The following NRXN1 variants were observed in gnomAD, a reference collection of about 807,000 sequenced individuals.
NRXN1 encodes neurexin-1.
A neutral mutation model predicts 150.9 loss-of-function variants in NRXN1; 39 were observed. The ratio of observed to expected loss-of-function variants is 0.26; its 90% CI spans 0.20 to 0.34. The LOEUF (loss-of-function observed/expected upper bound fraction) is 0.34, where lower values mean the gene tolerates loss of function less well. NRXN1 is among the 10% of genes least tolerant of loss of function. The pLI, the probability that NRXN1 is intolerant of heterozygous loss-of-function variation, is 1.00. For synonymous variants in NRXN1, 924 were observed against 757.0 expected (o/e 1.22, Z -3.62); for missense variants, 1,815 against 1,949.9 (o/e 0.93, Z 1.30).
At position 50,346,655 on chromosome 2, in the gene NRXN1, G is replaced by A. The variant is rs764772038; in HGVS notation, c.3365-109685C>T. 2 of 1,608,204 alleles carry A rather than the reference G, an allele frequency of 1.2e-6. No homozygotes were observed. The highest frequency in any genetic ancestry group is 2.2e-5 in the South Asian group (2 of 90,990). On this transcript the variant is annotated intron_variant, in intron 17 of 22. Transcript: ENST00000401669. The surrounding 1 kb of genome is among the most constrained non-coding windows in gnomAD (Gnocchi z 5.0). ...TGCAGGGTAGAAAGAGGGGAGCGAG[G>A]GGATAACCCGCGAGAACTTGGCATC...
At position 50,417,853 on chromosome 2, in the gene NRXN1, G is replaced by C. The variant is rs113795391; in HGVS notation, c.3364+47589C>G. Among the ~76,000 whole-genome samples the C allele has an allele frequency of 1.1e-3, 173 of 152,066 alleles. 2 individuals are homozygous for C. The highest frequency in any genetic ancestry group is 3.8e-3 in the African/African-American group (159 of 41,510). On this transcript the variant is annotated intron_variant, in intron 17 of 22. Transcript: ENST00000401669. ...AAACCGAAAAGTGCAGGATCACAAA[G>C]AGAAGTATAAAATGTAAAGAAGGAA...
At chr2:50,474,578 T>C (rs12104987) in intron 15 of NRXN1, among the ~76,000 whole-genome samples, 29,300 of 149,152 alleles carry the variant, frequency 0.2, 3,849 homozygotes, top group East Asian at 0.41. Context: ...AATGGCTGCA[T>C]GGTGGACTTA....
intron 17 of NRXN1, among the ~76,000 whole-genome samples, chr2:50,291,928 A>T (rs2072973861): frequency 6.6e-6 from 1 of 152,178 alleles, no homozygotes; most frequent in East Asian, 1.9e-4. Flanking sequence ...TAGCCAGCTT[A>T]TTAAACCTTA....
intron 8 of NRXN1, chr2:50,619,788 A>T (rs1573819691): frequency 2.3e-6 from 1 of 436,418 alleles, no homozygotes; most frequent in East Asian, 3.4e-5. Flanking sequence ...CTGTCCACAC[A>T]AATCTCAAAT....
rs113492289 is a variant in NRXN1, at chr2:50,163,886, T to A, written c.3547-72392A>T. ...GATGGCAATGAGGAGACATCTATAC[T>A]TTATCTTATTGCAACTACCACTTTG... On this transcript the variant is annotated intron_variant, in intron 18 of 22. Coordinates refer to ENST00000401669, the MANE Select transcript of NRXN1 (RefSeq NM_001330078.2). Among the ~76,000 whole-genome samples, 22 of 152,274 alleles carry A rather than the reference T, an allele frequency of 1.4e-4. 1 individual carries two copies. The highest frequency in any genetic ancestry group is 5.3e-4 in the African/African-American group (22 of 41,570).
At chr2:50,504,032 A>C (rs771588212) in intron 13 of NRXN1, among the ~76,000 whole-genome samples, 9 of 152,072 alleles carry the variant, frequency 5.9e-5, no homozygotes, top group Non-Finnish European at 1.3e-4. Context: ...CTTTATATTA[A>C]TACAAAGCAG....
At chr2:50,687,046 T>C (rs1691338439) in intron 5 of NRXN1, among the ~76,000 whole-genome samples, 1 of 152,186 alleles carries the variant, frequency 6.6e-6, no homozygotes, top group African/African-American at 2.4e-5. Flanking sequence ...TAGCGTCAAA[T>C]TGAAAGAGAA....
At position 49,919,000 on chromosome 2, in the gene NRXN1, A is replaced by T. The variant is rs1213769774; in HGVS notation, c.*2944T>A. The T allele has an allele frequency of 6.6e-6, 1 of 152,174 alleles. No homozygotes were observed. The highest frequency in any genetic ancestry group is 1.5e-5 in the Non-Finnish European group (1 of 67,986). The allele number at this position is 152,174 out of a possible 1,614,324, so 9.4% of individuals were successfully genotyped here. A position where few individuals can be genotyped will look rare whatever the true frequency, so the allele number is the denominator to read the frequency against. ...GAAAACCCCTTTGATACCCAATCAC[A>T]CAAAGCACTAGAAGGGTAGGGTTAT... On this transcript the variant is annotated 3_prime_UTR_variant, in exon 23 of 23. Transcript: ENST00000401669.
chr2:50,960,538 C>A (rs1317817862), intron 2 of NRXN1, among the ~76,000 whole-genome samples: 1 of 151,986 alleles, frequency 6.6e-6, no homozygotes, highest in East Asian at 1.9e-4. Flanking sequence ...AGTTGGTGCA[C>A]AACAAGAGAG....
intron 19 of NRXN1, among the ~76,000 whole-genome samples, chr2:50,058,712 T>A (rs1056824780): frequency 7.9e-5 from 12 of 152,168 alleles, no homozygotes; most frequent in African/African-American, 2.9e-4. Context: ...CAGTGGGATG[T>A]AATTGAATTA....
chr2:50,263,768 A>T (rs1198813458), intron 17 of NRXN1, among the ~76,000 whole-genome samples: 1 of 152,108 alleles, frequency 6.6e-6, no homozygotes, highest in Non-Finnish European at 1.5e-5. Context: ...CTTCCATCTT[A>T]ACACCTAGTT....
chr2:50,167,928 C>T lies in NRXN1; in HGVS notation c.3546+68861G>A, dbSNP rs187510543. On this transcript the variant is annotated intron_variant, in intron 18 of 22. Transcript: ENST00000401669. ...TCAGTTTATTTCTCCACTAGAAGGA[C>T]TGGATTTTAGAGATCTCTGAAGTAA... Among the ~76,000 whole-genome samples the T allele has an allele frequency of 6.3e-4, 96 of 152,260 alleles. 1 individual carries two copies. The highest frequency in any genetic ancestry group is 1.7e-3 in the South Asian group (8 of 4,812).
chr2:50,083,755 C>T (rs1160182671), intron 19 of NRXN1, among the ~76,000 whole-genome samples: 1 of 152,150 alleles, frequency 6.6e-6, no homozygotes, highest in Admixed American at 6.6e-5. Context: ...GGTACGTTTA[C>T]AATCCCTGAG....
At position 49,922,124 on chromosome 2, in the gene NRXN1, G is replaced by A. The variant is rs111725706; in HGVS notation, c.4344C>T (p.Leu1448=). 2.7e-5 allele frequency: 43 copies of A among 1,614,142 alleles called. No individual in the cohort carries two copies. In the African/African-American group the frequency reaches 2.7e-4, roughly 10 times the overall value. Residue 1448 remains leucine (L), a synonymous_variant, in exon 23 of 23, where the codon CTC becomes CTT. Transcript: ENST00000401669. ...VAAAALCILI[L]LYAMYKYRNR... ...TTCTGTACTTGTACATGGCATAGAG[G>A]AGGATAAGGATGCACAGGGCGGCAG...
chr2:50,289,916 A>T (rs927443250), intron 17 of NRXN1, among the ~76,000 whole-genome samples: 2 of 152,170 alleles, frequency 1.3e-5, no homozygotes, highest in Non-Finnish European at 2.9e-5. Context: ...TAGAATTCCA[A>T]ACCTCAAGTG....
At chr2:50,919,401 C>G (rs1685671880) in intron 5 of NRXN1, 1 of 151,706 alleles carries the variant, frequency 6.6e-6, no homozygotes, top group African/African-American at 2.4e-5. Context: ...ATATATTCAT[C>G]TATCACTGGA....
chr2:50,496,402 C>T (rs2091622686), intron 14 of NRXN1, among the ~76,000 whole-genome samples: 1 of 152,036 alleles, frequency 6.6e-6, no homozygotes, highest in Non-Finnish European at 1.5e-5. Flanking sequence ...TCCACAATTC[C>T]CTCCATCCTT....
chr2:50,691,017 G>C (rs556465645), intron 5 of NRXN1, among the ~76,000 whole-genome samples: 2 of 152,282 alleles, frequency 1.3e-5, no homozygotes, highest in East Asian at 3.9e-4. Flanking sequence ...ACCTTGTAGT[G>C]ACATTTTTTT....
intron 3 of NRXN1, chr2:50,923,673 T>G (rs1408732294): frequency 1.3e-5 from 2 of 154,016 alleles, no homozygotes; most frequent in African/African-American, 4.8e-5. Flanking sequence ...CATGTATATG[T>G]CTACAATACG....
Sources: allele counts gnomAD v4.1 joint callset (sites outside exome capture counted in the v4.1 genomes callset), GRCh38; gene constraint gnomAD v4.1.1; non-coding constraint Gnocchi (gnomAD v3.1); transcripts MANE v1.5; gene names NCBI Gene and HGNC (gene_info 2026-07-23, HGNC 2026-07-21).